Variants in ADCY2 observed in about 807,000 individuals in gnomAD.
The protein encoded by ADCY2 is adenylate cyclase 2.
In ADCY2, 31 loss-of-function variants were observed where a neutral mutation model predicts 125.2. The ratio of observed to expected loss-of-function variants is 0.25; its 90% confidence interval spans 0.19 to 0.33. The LOEUF is 0.33. ADCY2 is among the 10% of genes least tolerant of loss of function. The probability of loss-of-function intolerance (pLI) is 1.00; values close to 1 mark genes in which losing one functional copy is unlikely to be tolerated. For synonymous variants in ADCY2, 512 were observed against 548.4 expected (o/e 0.93, Z 0.93); for missense variants, 904 against 1,418.2 (o/e 0.64, Z 5.82).
intron 2 of ADCY2, among the ~76,000 whole-genome samples, chr5:7,505,203 T>C (rs1743763904): frequency 1.3e-5 from 2 of 152,220 alleles, no homozygotes; most frequent in Non-Finnish European, 2.9e-5. Flanking sequence ...TTTAAAGTAA[T>C]GCAAAGCCTG....
intron 3 of ADCY2, among the ~76,000 whole-genome samples, chr5:7,547,791 G>C (rs959720316): frequency 6.6e-6 from 1 of 152,204 alleles, no homozygotes; most frequent in African/African-American, 2.4e-5. Context: ...CAATGGAGCT[G>C]CTCCTTCCCA....
chr5:7,675,238 A>G (rs1197534810), intron 4 of ADCY2, among the ~76,000 whole-genome samples: 1 of 152,186 alleles, frequency 6.6e-6, no homozygotes, highest in Admixed American at 6.5e-5. Flanking sequence ...GTTCTACCCA[A>G]TCGTTTTAAT....
At chr5:7,487,130 C>G (rs1742964004) in intron 2 of ADCY2, among the ~76,000 whole-genome samples, 1 of 152,212 alleles carries the variant, frequency 6.6e-6, no homozygotes, top group South Asian at 2.1e-4. Flanking sequence ...TGGCCTGGGC[C>G]TTCAGGAAAG....
intron 2 of ADCY2, among the ~76,000 whole-genome samples, chr5:7,501,309 G>A (rs555337201): frequency 1.9e-4 from 29 of 152,144 alleles, no homozygotes; most frequent in Non-Finnish European, 3.5e-4. Flanking sequence ...CACATGCACA[G>A]CATGAACTCG....
chr5:7,421,477 T>G (rs916399799), intron 2 of ADCY2, among the ~76,000 whole-genome samples: 3 of 152,218 alleles, frequency 2.0e-5, no homozygotes, highest in African/African-American at 7.2e-5. Flanking sequence ...CTCCTCTTCT[T>G]ATAGTGACAC....
At chr5:7,586,096 A>G (rs1419371541) in intron 3 of ADCY2, among the ~76,000 whole-genome samples, 3 of 152,236 alleles carry the variant, frequency 2.0e-5, no homozygotes, top group African/African-American at 7.2e-5. Flanking sequence ...TATTCTAGTA[A>G]CTGGTAAAGT....
intron 4 of ADCY2, among the ~76,000 whole-genome samples, chr5:7,657,168 G>A (rs796304586): frequency 6.6e-6 from 1 of 152,136 alleles, no homozygotes; most frequent in Non-Finnish European, 1.5e-5. Context: ...TCTGAAATCC[G>A]AAACACTTCT....
intron 19 of ADCY2, among the ~76,000 whole-genome samples, chr5:7,787,678 G>A (rs534700379): frequency 0.012 from 1,590 of 132,774 alleles, 23 homozygotes; most frequent in African/African-American, 0.04. Flanking sequence ...AGAAAGGTAG[G>A]TAGGTAGATA....
chr5:7,603,689 G>A (rs1464743536), intron 3 of ADCY2, among the ~76,000 whole-genome samples: 1 of 142,560 alleles, frequency 7.0e-6, no homozygotes, highest in Admixed American at 7.0e-5. Flanking sequence ...TGTTACTGGA[G>A]TGTGTAGAAG....
chr5:7,801,855 T>C (rs1744606941), intron 20 of ADCY2: 1 of 187,970 alleles, frequency 5.3e-6, no homozygotes, highest in Admixed American at 5.5e-5. Flanking sequence ...CATAATGAGT[T>C]ATTTCAGGAC....
chr5:7,731,725 T>G (rs1456546994), intron 14 of ADCY2, among the ~76,000 whole-genome samples: 1 of 152,144 alleles, frequency 6.6e-6, no homozygotes, highest in African/African-American at 2.4e-5. Flanking sequence ...TGCCTCAGCC[T>G]CCTGAGTAGC....
At chr5:7,759,686 G>A (rs1300659300) in intron 16 of ADCY2, among the ~76,000 whole-genome samples, 5 of 152,182 alleles carry the variant, frequency 3.3e-5, no homozygotes, top group African/African-American at 9.7e-5. Context: ...GGATGGTGAC[G>A]TCATTTATTT....
At chr5:7,660,676 C>T (rs1163839843) in intron 4 of ADCY2, among the ~76,000 whole-genome samples, 1 of 152,122 alleles carries the variant, frequency 6.6e-6, no homozygotes, top group East Asian at 1.9e-4. Flanking sequence ...TTCAGGGGAT[C>T]TCAGTCTTCA....
At chr5:7,456,509 A>G (rs16878658) in intron 2 of ADCY2, among the ~76,000 whole-genome samples, 2,792 of 152,348 alleles carry the variant, frequency 0.018, 82 homozygotes, top group African/African-American at 0.064. Flanking sequence ...GGCATCAATA[A>G]CATGAATACT....
intron 4 of ADCY2, among the ~76,000 whole-genome samples, chr5:7,672,279 A>T (rs745794083): frequency 1.3e-5 from 2 of 152,254 alleles, no homozygotes; most frequent in Non-Finnish European, 2.9e-5. Context: ...TGGAGATAAT[A>T]GTAAAAATGC....
At position 7,786,500 on chromosome 5, in the gene ADCY2, G is replaced by A. The variant is rs140192828; in HGVS notation, c.2469+2051G>A. Among the ~76,000 whole-genome samples the A allele has an allele frequency of 4.6e-3, 705 of 152,258 alleles. 8 individuals carry two copies. Among genetic ancestry groups the A allele is most frequent in the African/African-American group, 0.015 (634 of 41,540 alleles). ...GCTCCATGACCATCTTTTTTGAAAT[G>A]ATGGAGATATGTTTGCTTTCTGAGC... On this transcript the variant is annotated intron_variant, in intron 19 of 24. Transcript: ENST00000338316.
intron 3 of ADCY2, among the ~76,000 whole-genome samples, chr5:7,557,354 C>A (rs924686666): frequency 6.6e-6 from 1 of 151,924 alleles, no homozygotes; most frequent in African/African-American, 2.4e-5. Flanking sequence ...CTGAAATAGC[C>A]TCACAACATG....
intron 2 of ADCY2, among the ~76,000 whole-genome samples, chr5:7,456,181 C>T (rs1239515439): frequency 6.6e-6 from 1 of 151,928 alleles, no homozygotes; most frequent in Non-Finnish European, 1.5e-5. Flanking sequence ...GACTAATAAT[C>T]ATGAGTTTGA....
At chr5:7,696,411 C>G (rs915644065) in intron 6 of ADCY2, among the ~76,000 whole-genome samples, 2 of 152,170 alleles carry the variant, frequency 1.3e-5, no homozygotes, top group African/African-American at 4.8e-5. Flanking sequence ...TTCATATGCT[C>G]TTTCATGGGA....
Sources: gnomAD v4.1 joint callset for allele counts (sites outside exome capture counted in the v4.1 genomes callset) on GRCh38, gnomAD v4.1.1 for gene constraint, MANE v1.5 for transcripts, NCBI Gene and HGNC (gene_info 2026-07-23, HGNC 2026-07-21) for gene names.